C3orf70: variants seen among roughly 807,000 people sequenced by gnomAD.
C3orf70 encodes chromosome 3 open reading frame 70.
In C3orf70, 15 loss-of-function variants were observed where a neutral mutation model predicts 20.7. That is an observed-to-expected ratio of 0.72 (90% confidence interval 0.48 to 1.11). C3orf70 has a LOEUF of 1.11. C3orf70 is among the 50% of genes most tolerant of loss of function. C3orf70 has a pLI of 0.00. For synonymous variants in C3orf70, 161 were observed against 125.7 expected, an observed-to-expected ratio of 1.28 and a Z score of -1.88; for missense variants, 332 against 317.6, an observed-to-expected ratio of 1.05 and a Z score of -0.34.
Position 185,152,974 on chromosome 3 carries a change from C to T in C3orf70, c.-151G>A, listed in dbSNP as rs986068917. The T allele has an allele frequency of 3.5e-5, 21 of 595,932 alleles. No homozygotes were observed. The highest frequency in any genetic ancestry group is 1.1e-3 in the Middle Eastern group (2 of 1,828). The allele number at this position is 595,932 out of a possible 1,614,324, so 36.9% of individuals were successfully genotyped here. ...GGCGGCGGCGGGAGCGCGGCGGTCC[C>T]AGGCTCGAGGAGGAGCCGCCCCGGG... On this transcript the variant is annotated 5_prime_UTR_variant, in exon 1 of 2. Coordinates refer to ENST00000335012, the MANE Select transcript of C3orf70 (RefSeq NM_001025266.3).
chr3:185,108,044 T>C (rs188807026), intron 1 of C3orf70, among the ~76,000 whole-genome samples: 31 of 152,332 alleles, frequency 2.0e-4, no homozygotes, highest in African/African-American at 4.8e-4. Context: ...AGAAAAATTA[T>C]TGTCCCTCTC....
rs777081992 is a variant in C3orf70 at position 185,152,756 on chromosome 3, G to A, written c.68C>T (p.Ala23Val). Residue 23 changes from alanine (A) to valine (V), a missense_variant, in exon 1 of 2, where the codon GCC becomes GTC. By Grantham distance (64) the Ala-to-Val change is moderately conservative (BLOSUM62 0). Coordinates refer to ENST00000335012, the MANE Select transcript of C3orf70 (RefSeq NM_001025266.3). ...GCGGGCGGCGCAACTCCGCGCCAGG[G>A]CCTGAGCCTCATCTAGTTTCTCGCT... is the stretch of plus-strand genomic sequence containing the variant. ...WKSEKLDEAQ[A>V]LARSCAARRP... 3.1e-6 allele frequency: 5 copies of A among 1,591,170 alleles called. No individual in the cohort carries two copies. The highest frequency in any genetic ancestry group is 1.7e-5 in the Admixed American group (1 of 57,624).
intron 1 of C3orf70, among the ~76,000 whole-genome samples, chr3:185,091,284 G>A (rs6777120): frequency 0.18 from 26,786 of 151,898 alleles, 2,718 homozygotes; most frequent in African/African-American, 0.28. Context: ...TGGCTCCAAT[G>A]TATCAGCTCT....
intron 1 of C3orf70, among the ~76,000 whole-genome samples, chr3:185,146,940 C>G (rs1354470751): frequency 6.6e-6 from 1 of 152,228 alleles, no homozygotes; most frequent in East Asian, 1.9e-4. Context: ...AATCTATAAA[C>G]AGGAAGCCAA....
intron 1 of C3orf70, among the ~76,000 whole-genome samples, chr3:185,091,930 TATATATATATATATATATATATATATA>T (rs1715587428): frequency 1.9e-4 from 1 of 5,194 alleles, no homozygotes; most frequent in African/African-American, 6.4e-4. Context: ...TATATATATA[TATATATATATATATATATATATATATA>T]TATATATTTT....
At position 185,078,415 on chromosome 3, in the gene C3orf70, G is replaced by C. The variant is rs1380495484; in HGVS notation, c.*4592C>G. 1 of 152,206 alleles carries C rather than the reference G, an allele frequency of 6.6e-6. No individual in the cohort carries two copies. The highest frequency in any genetic ancestry group is 2.4e-5 in the African/African-American group (1 of 41,438). 9.4% of individuals were successfully genotyped at this position (152,206 alleles called of 1,614,324 possible). ...TGAAACATGGCCTTTTCCTAGAACA[G>C]CTAACTCTCAGTTATCTACAGTAAT... On this transcript the variant is annotated 3_prime_UTR_variant, in exon 2 of 2. Coordinates refer to ENST00000335012, the MANE Select transcript of C3orf70 (RefSeq NM_001025266.3).
chr3:185,084,051 G>A (rs969501794), intron 1 of C3orf70, among the ~76,000 whole-genome samples: 9 of 152,118 alleles, frequency 5.9e-5, no homozygotes, highest in African/African-American at 2.2e-4. Context: ...TGGGCATGGT[G>A]GCACACGCCT....
intron 1 of C3orf70, among the ~76,000 whole-genome samples, chr3:185,121,136 A>G (rs1049783121): frequency 1.3e-5 from 2 of 152,146 alleles, no homozygotes; most frequent in Non-Finnish European, 2.9e-5. Context: ...GGAATGGAAA[A>G]CCAAACATCA....
chr3:185,121,358 TAAA>T (rs59087246), intron 1 of C3orf70, among the ~76,000 whole-genome samples: 6 of 119,716 alleles, frequency 5.0e-5, no homozygotes, highest in African/African-American at 8.7e-5. Flanking sequence ...CTATGGAAAT[TAAA>T]AAAAAAAAAA....
intron 1 of C3orf70, among the ~76,000 whole-genome samples, chr3:185,107,810 G>A (rs182417579): frequency 6.6e-6 from 1 of 152,152 alleles, no homozygotes; most frequent in African/African-American, 2.4e-5. Flanking sequence ...TTCTCCTGCT[G>A]TAATTCCAAA....
chr3:185,122,489 G>A (rs577100130), intron 1 of C3orf70, among the ~76,000 whole-genome samples: 1 of 152,278 alleles, frequency 6.6e-6, no homozygotes, highest in African/African-American at 2.4e-5. Flanking sequence ...ATCACCATCC[G>A]AGGATAGTTG....
chr3:185,109,162 T>C (rs1453608248), intron 1 of C3orf70, among the ~76,000 whole-genome samples: 2 of 152,216 alleles, frequency 1.3e-5, no homozygotes, highest in South Asian at 4.1e-4. Context: ...CAACTGAATC[T>C]GGCATTATTA....
At chr3:185,099,170 G>A (rs1405923689) in intron 1 of C3orf70, among the ~76,000 whole-genome samples, 2 of 152,160 alleles carry the variant, frequency 1.3e-5, no homozygotes, top group Non-Finnish European at 2.9e-5. Flanking sequence ...TATCATCCGG[G>A]AGAACTTTCC....
intron 1 of C3orf70, among the ~76,000 whole-genome samples, chr3:185,139,032 G>A (rs528566220): frequency 2.6e-5 from 4 of 152,178 alleles, no homozygotes; most frequent in African/African-American, 7.2e-5. Flanking sequence ...AGCCCAGGAG[G>A]TAGAGGCTGC....
At chr3:185,120,033 A>AAAAAAAGGAAAAGAAAG (rs55921240) in intron 1 of C3orf70, among the ~76,000 whole-genome samples, 1 of 100,784 alleles carries the variant, frequency 9.9e-6, no homozygotes, top group Non-Finnish European at 1.8e-5. Flanking sequence ...AAAAAAAAAA[A>AAAAAAAGGAAAAGAAAG]AAAAAGAAAA....
At chr3:185,106,169 A>G (rs1383990467) in intron 1 of C3orf70, among the ~76,000 whole-genome samples, 2 of 152,214 alleles carry the variant, frequency 1.3e-5, no homozygotes, top group African/African-American at 2.4e-5. Flanking sequence ...GAATTCAGCA[A>G]GCTAGATGAG....
chr3:185,103,106 G>A (rs932824143), intron 1 of C3orf70, among the ~76,000 whole-genome samples: 3 of 152,004 alleles, frequency 2.0e-5, no homozygotes, highest in Non-Finnish European at 2.9e-5. Flanking sequence ...TTAGCCAGGC[G>A]TGGTGGCACC....
rs1258111602 is a variant in C3orf70 at position 185,128,514 on chromosome 3, G to A, written c.196+24114C>T. 2.7e-5 allele frequency among the ~76,000 whole-genome samples: 4 copies of A among 148,380 alleles called. 1 individual carries two copies. The highest frequency in any genetic ancestry group is 7.5e-5 in the African/African-American group (3 of 40,050). On this transcript the variant is annotated intron_variant, in intron 1 of 1. Transcript: ENST00000335012. ...CTGCACTCCGGCCTGGCTACAGAGCGAGACTGTTTCGGAAAAAAAAAAAAA... is the reference window on the plus strand; with the variant it reads ...CTGCACTCCGGCCTGGCTACAGAGCAAGACTGTTTCGGAAAAAAAAAAAAA...
Position 185,094,588 on chromosome 3 carries a change from T to C in C3orf70, c.197-11025A>G, listed in dbSNP as rs569444895. 2.0e-5 allele frequency among the ~76,000 whole-genome samples: 3 copies of C among 151,798 alleles called. No individual in the cohort carries two copies. The East Asian group carries it at 5.8e-4, about 29-fold the overall frequency. ...ACCAGCACGATGGAGCCCTTGAACCTACAGACACGGCTAATTCCAGTTGAG... is the reference window on the plus strand; with the variant it reads ...ACCAGCACGATGGAGCCCTTGAACCCACAGACACGGCTAATTCCAGTTGAG... On this transcript the variant is annotated intron_variant, in intron 1 of 1. Coordinates refer to ENST00000335012, the MANE Select transcript of C3orf70 (RefSeq NM_001025266.3).
Sources: gnomAD v4.1 joint callset for allele counts (sites outside exome capture counted in the v4.1 genomes callset) on GRCh38, gnomAD v4.1.1 for gene constraint, MANE v1.5 for transcripts, NCBI Gene and HGNC (gene_info 2026-07-23, HGNC 2026-07-21) for gene names.